ABCC4: variants seen among roughly 807,000 people sequenced by gnomAD.
The protein encoded by ABCC4 is ATP-binding cassette sub-family C member 4.
In ABCC4, 102 loss-of-function variants were observed where a neutral mutation model predicts 168.5. The ratio of observed to expected loss-of-function variants is 0.61; its 90% CI spans 0.52 to 0.71. The LOEUF (loss-of-function observed/expected upper bound fraction) is 0.71. Among genes scored for constraint, ABCC4 ranks in the 30% least tolerant of loss-of-function variants. The pLI is 0.00. For synonymous variants in ABCC4, 617 were observed against 590.7 expected (o/e 1.04, Z -0.65); for missense variants, 1,402 against 1,605.8 (o/e 0.87, Z 2.17).
intron 19 of ABCC4, among the ~76,000 whole-genome samples, chr13:95,118,796 G>A (rs555484006): frequency 6.6e-6 from 1 of 152,310 alleles, no homozygotes; most frequent in East Asian, 1.9e-4. Context: ...TGTTAGACAA[G>A]GCTTGCTTAC....
At chr13:95,236,595 CGT>C (rs3047252) in intron 3 of ABCC4, among the ~76,000 whole-genome samples, 3,827 of 98,238 alleles carry the variant, frequency 0.039, 149 homozygotes, top group African/African-American at 0.1. Flanking sequence ...TGAACGCGCG[CGT>C]GCGCGCACAC....
At chr13:95,161,899 A>T (rs2139545292) in intron 18 of ABCC4, 1 of 152,338 alleles carries the variant, frequency 6.6e-6, no homozygotes, top group African/African-American at 2.4e-5. Context: ...TAATTAATCT[A>T]AATAAGCAAC....
chr13:95,210,780 G>A lies in ABCC4; in HGVS notation c.533C>T (p.Ala178Val), dbSNP rs1373961341. Residue 178 changes from alanine (A) to valine (V), a missense_variant and splice_region_variant, in exon 5 of 31, where the codon GCA becomes GTA. This residue lies in a region of ABCC4 where 317 missense variants were observed against 345.5 expected (regional missense o/e 0.92). Transcript: ENST00000645237. ...VAMCHMIYRKALRLSNMAMGK... is the reference protein window; with the variant it reads ...VAMCHMIYRKVLRLSNMAMGK... Reference sequence around the variant, plus strand: ...CATGGCCATGTTACTAAGACGAAGTGCCTGAAATAAAAGAGGTAAGTAGAG... The same window carrying A: ...CATGGCCATGTTACTAAGACGAAGTACCTGAAATAAAAGAGGTAAGTAGAG... The A allele has an allele frequency of 1.2e-6, 2 of 1,612,498 alleles. No individual in the cohort carries two copies. The highest frequency in any genetic ancestry group is 1.7e-5 in the Admixed American group (1 of 60,006).
At chr13:95,064,505 A>ATGTG (rs2033447422) in intron 25 of ABCC4, among the ~76,000 whole-genome samples, 1 of 57,084 alleles carries the variant, frequency 1.8e-5, no homozygotes, top group Admixed American at 1.6e-4. Flanking sequence ...ACACACGTGT[A>ATGTG]TGTGTGTATG....
chr13:95,025,352 AC>A (rs774052500), intron 30 of ABCC4, among the ~76,000 whole-genome samples: 811 of 8,166 alleles, frequency 0.099, 66 homozygotes, highest in East Asian at 0.3. Context: ...ACACACCCAC[AC>A]CCCCACACAC....
intron 19 of ABCC4, among the ~76,000 whole-genome samples, chr13:95,125,562 G>T (rs1273635793): frequency 6.6e-6 from 1 of 152,014 alleles, no homozygotes; most frequent in Non-Finnish European, 1.5e-5. Flanking sequence ...AATGAATGAG[G>T]ACATGCAGCC....
At chr13:95,163,508 T>C in intron 17 of ABCC4, 102 bp downstream of exon 17, 1 of 1,119,682 alleles carries the variant, frequency 8.9e-7, no homozygotes. Context: ...AAGTGAGGAT[T>C]AGAAGAGAAG....
intron 20 of ABCC4, among the ~76,000 whole-genome samples, chr13:95,114,427 C>G (rs548971109): frequency 6.6e-6 from 1 of 152,224 alleles, no homozygotes; most frequent in Non-Finnish European, 1.5e-5. Flanking sequence ...ACAAAATCTT[C>G]TTGAAGTAAT....
At chr13:95,208,203 G>C (rs552385711) in intron 6 of ABCC4, among the ~76,000 whole-genome samples, 1 of 152,244 alleles carries the variant, frequency 6.6e-6, no homozygotes, top group East Asian at 1.9e-4. Flanking sequence ...GAGCTCACAG[G>C]TGGGCAGGAA....
At chr13:95,154,782 T>C (rs1018205947) in intron 19 of ABCC4, among the ~76,000 whole-genome samples, 3 of 152,234 alleles carry the variant, frequency 2.0e-5, no homozygotes, top group Admixed American at 6.5e-5. Context: ...CCCTAGCTTA[T>C]AGAGCTATAA....
intron 19 of ABCC4, among the ~76,000 whole-genome samples, chr13:95,142,357 A>C (rs546874046): frequency 1.3e-5 from 2 of 152,170 alleles, no homozygotes; most frequent in Non-Finnish European, 2.9e-5. Flanking sequence ...TATGTTCTCA[A>C]CTCATAAGTA....
At chr13:95,099,311 T>C (rs907178120) in intron 20 of ABCC4, among the ~76,000 whole-genome samples, 1 of 152,144 alleles carries the variant, frequency 6.6e-6, no homozygotes, top group Non-Finnish European at 1.5e-5. Context: ...CTAATTGATG[T>C]TGACAGAAAT....
rs66704412 is a variant in ABCC4, at chr13:95,098,134, T to TAAAAA, written c.2536-14849_2536-14845dup. Among the ~76,000 whole-genome samples the TAAAAA allele has an allele frequency of 5.5e-4, 63 of 114,076 alleles. 1 individual carries two copies. The highest frequency in any genetic ancestry group is 7.5e-4 in the Non-Finnish European group (42 of 56,044). The allele number at this position is 114,076 out of a possible 152,430, so 74.8% of individuals were successfully genotyped here. A position where few individuals can be genotyped will look rare whatever the true frequency, so the allele number is the denominator to read the frequency against. On this transcript the variant is annotated intron_variant, in intron 20 of 30. Coordinates refer to ENST00000645237, the MANE Select transcript of ABCC4 (RefSeq NM_005845.5). ...CTGGGCGACAGAGTGAGATACTGTC[T>TAAAAA]AAAAAAAAAAAAAAAAAAGTCAACT... is the stretch of plus-strand genomic sequence containing the variant.
intron 24 of ABCC4, 125 bp from the exon 25 acceptor site, chr13:95,071,978 C>T (rs1016448095): frequency 6.8e-5 from 48 of 702,534 alleles, no homozygotes; most frequent in African/African-American, 1.5e-4. Context: ...AGGAGACAGA[C>T]GAGGATGTTG....
chr13:95,249,217 T>C (rs1235662713), intron 1 of ABCC4, among the ~76,000 whole-genome samples: 4 of 46,386 alleles, frequency 8.6e-5, no homozygotes, highest in African/African-American at 4.2e-4. Context: ...AGGCTTTGTC[T>C]AAAAAAAAAA....
intron 19 of ABCC4, among the ~76,000 whole-genome samples, chr13:95,149,226 T>C (rs1047394981): frequency 6.6e-6 from 1 of 152,218 alleles, no homozygotes; most frequent in Non-Finnish European, 1.5e-5. Flanking sequence ...TGATCACTCA[T>C]GATCCTGAAA....
chr13:95,297,268 T>TAA (rs10652333), intron 1 of ABCC4, among the ~76,000 whole-genome samples: 77,182 of 140,096 alleles, frequency 0.55, 23,387 homozygotes, highest in Non-Finnish European at 0.69. Context: ...CTCTGTCTCA[T>TAA]AAAAAAAAAA....
Position 95,129,990 on chromosome 13 carries a change from G to A in ABCC4, c.2456-13989C>T, listed in dbSNP as rs941640016. On this transcript the variant is annotated intron_variant, in intron 19 of 30. Coordinates refer to ENST00000645237, the MANE Select transcript of ABCC4 (RefSeq NM_005845.5). ...CTTGGGAGGCTGAGGCAGAAGAATC[G>A]CTTGAACCTGGGGAGTGGAGGTTGC... Among the ~76,000 whole-genome samples, 8 of 151,328 alleles carry A rather than the reference G, an allele frequency of 5.3e-5. No individual in the cohort carries two copies. In the East Asian group the frequency reaches 5.9e-4, roughly 11 times the overall value.
chr13:95,134,967 G>A (rs975836929), intron 19 of ABCC4, among the ~76,000 whole-genome samples: 10 of 151,860 alleles, frequency 6.6e-5, no homozygotes, highest in African/African-American at 2.2e-4. Context: ...CTAGTGTAGA[G>A]TCTCCTGTCC....
Sources: gnomAD v4.1 joint callset for allele counts (sites outside exome capture counted in the v4.1 genomes callset) on GRCh38, gnomAD v4.1.1 for gene constraint, gnomAD v4.1.1 regional missense constraint, MANE v1.5 for transcripts, NCBI Gene and HGNC (gene_info 2026-07-23, HGNC 2026-07-21) for gene names.